Variants in DTNA observed in about 807,000 individuals in gnomAD.
DTNA encodes dystrophin-related protein 3.
Under a neutral mutation model 100.7 loss-of-function variants are expected in DTNA, and 43 were observed. That is an observed-to-expected ratio of 0.43 (90% CI 0.33 to 0.55). DTNA has a LOEUF of 0.55. Ranked by LOEUF, DTNA falls within the 20% of genes least tolerant of loss-of-function variation. The pLI is 0.04. For synonymous variants in DTNA, 349 were observed against 347.9 expected (o/e 1.00, Z -0.04); for missense variants, 798 against 953.9 (o/e 0.84, Z 2.15).
intron 11 of DTNA, among the ~76,000 whole-genome samples, chr18:34,833,396 T>A (rs902837477): frequency 6.8e-6 from 1 of 147,392 alleles, no homozygotes; most frequent in African/African-American, 2.6e-5. Context: ...CCAGAACCCA[T>A]TGTGTCACTG....
chr18:34,500,334 G>A (rs2039757463), intron 1 of DTNA, among the ~76,000 whole-genome samples: 1 of 150,684 alleles, frequency 6.6e-6, no homozygotes, highest in African/African-American at 2.4e-5. Flanking sequence ...TAATTTCAGT[G>A]TTGAGGTATT....
chr18:34,510,102 GGTTGTT>G (rs34160150), intron 1 of DTNA, among the ~76,000 whole-genome samples: 4 of 141,322 alleles, frequency 2.8e-5, no homozygotes, highest in African/African-American at 5.1e-5. Flanking sequence ...TGGTTTTTTT[GGTTGTT>G]GTTGTTTTTT....
chr18:34,544,371 A>G (rs2044554391), intron 1 of DTNA, among the ~76,000 whole-genome samples: 1 of 152,136 alleles, frequency 6.6e-6, no homozygotes, highest in African/African-American at 2.4e-5. Flanking sequence ...GCCTACTGAC[A>G]TATTTACATG....
intron 1 of DTNA, among the ~76,000 whole-genome samples, chr18:34,702,346 C>T (rs2081494222): frequency 6.6e-6 from 1 of 152,130 alleles, no homozygotes; most frequent in African/African-American, 2.4e-5. Context: ...GGCCAGCTCC[C>T]GAAGCTTTCC....
At chr18:34,866,947 A>T (rs1335432791) in intron 17 of DTNA, 1 of 1,166,972 alleles carries the variant, frequency 8.6e-7, no homozygotes, top group Non-Finnish European at 1.1e-6. Flanking sequence ...ACCTGTGGTC[A>T]GGCTCAAGAG....
intron 1 of DTNA, among the ~76,000 whole-genome samples, chr18:34,602,522 A>G (rs980585722): frequency 2.6e-5 from 4 of 151,768 alleles, no homozygotes; most frequent in African/African-American, 9.7e-5. Flanking sequence ...AGATACATAG[A>G]TAGATAGAGA....
At chr18:34,627,731 T>C (rs72951290) in intron 1 of DTNA, among the ~76,000 whole-genome samples, 44 of 152,318 alleles carry the variant, frequency 2.9e-4, no homozygotes, top group Non-Finnish European at 5.7e-4. Context: ...TGCACATGAT[T>C]GTGCCAGTGC....
intron 1 of DTNA, among the ~76,000 whole-genome samples, chr18:34,668,299 A>G (rs1249487617): frequency 6.6e-6 from 1 of 152,008 alleles, no homozygotes; most frequent in East Asian, 1.9e-4. Flanking sequence ...TATTGCGTCT[A>G]TTTGATTCTT....
At chr18:34,525,943 C>T (rs944431419) in intron 1 of DTNA, among the ~76,000 whole-genome samples, 6 of 152,132 alleles carry the variant, frequency 3.9e-5, no homozygotes, top group African/African-American at 1.2e-4. Context: ...TCCCCTGTTG[C>T]CTAGCTCAGT....
intron 1 of DTNA, among the ~76,000 whole-genome samples, chr18:34,503,750 A>G (rs920073503): frequency 1.3e-5 from 2 of 148,856 alleles, no homozygotes; most frequent in Non-Finnish European, 3.0e-5. Flanking sequence ...TTTTCCTACC[A>G]TCCTGTTATT....
intron 9 of DTNA, among the ~76,000 whole-genome samples, chr18:34,824,576 A>T (rs1174346573): frequency 6.6e-6 from 1 of 152,222 alleles, no homozygotes; most frequent in Non-Finnish European, 1.5e-5. Context: ...GTAAAATAAA[A>T]AAAATGCTGT....
intron 1 of DTNA, among the ~76,000 whole-genome samples, chr18:34,531,895 A>G (rs2043175681): frequency 6.6e-6 from 1 of 152,146 alleles, no homozygotes; most frequent in African/African-American, 2.4e-5. Flanking sequence ...GTCCTCCCTC[A>G]GAGTTGAAAA....
chr18:34,787,348 T>G (rs974806455), intron 3 of DTNA, among the ~76,000 whole-genome samples: 19 of 152,204 alleles, frequency 1.2e-4, no homozygotes, highest in African/African-American at 4.6e-4. Context: ...TGGTAGAGTC[T>G]GGGTTTGAGA....
intron 5 of DTNA, among the ~76,000 whole-genome samples, chr18:34,808,004 C>T (rs1270557846): frequency 6.6e-6 from 1 of 151,842 alleles, no homozygotes; most frequent in Non-Finnish European, 1.5e-5. Flanking sequence ...CCAACCCCAA[C>T]TGGCCATTTA....
intron 1 of DTNA, among the ~76,000 whole-genome samples, chr18:34,754,519 C>G (rs868786349): frequency 6.6e-6 from 1 of 152,106 alleles, no homozygotes; most frequent in African/African-American, 2.4e-5. Flanking sequence ...CACTGTGATG[C>G]GCTCATAGGA....
intron 1 of DTNA, among the ~76,000 whole-genome samples, chr18:34,691,805 C>T (rs1320134901): frequency 6.6e-6 from 1 of 152,208 alleles, no homozygotes; most frequent in East Asian, 1.9e-4. Flanking sequence ...CATCTGCATG[C>T]ACTCATGTAC....
At chr18:34,748,749 A>T (rs1356232651) in intron 1 of DTNA, among the ~76,000 whole-genome samples, 1 of 152,070 alleles carries the variant, frequency 6.6e-6, no homozygotes, top group Admixed American at 6.6e-5. Flanking sequence ...TGATACCTCC[A>T]TTTGTTCTTT....
chr18:34,776,170 C>G (rs1319766555), intron 3 of DTNA, among the ~76,000 whole-genome samples: 3 of 152,112 alleles, frequency 2.0e-5, no homozygotes. Flanking sequence ...TATCAAGTTC[C>G]AAGTCCCTTA....
intron 1 of DTNA, among the ~76,000 whole-genome samples, chr18:34,664,114 G>C: frequency 6.6e-6 from 1 of 152,176 alleles, no homozygotes; most frequent in Admixed American, 6.5e-5. Context: ...GCTATGAAAA[G>C]ACTCTACTAT....
Sources: allele counts gnomAD v4.1 joint callset (sites outside exome capture counted in the v4.1 genomes callset), GRCh38; gene constraint gnomAD v4.1.1; transcripts MANE v1.5; gene names NCBI Gene and HGNC (gene_info 2026-07-23, HGNC 2026-07-21).